AKAP13: variants seen among roughly 807,000 people sequenced by gnomAD.
AKAP13 encodes A-kinase anchor protein 13.
In AKAP13, 80 loss-of-function variants were observed where a neutral mutation model predicts 264.5. The observed-to-expected ratio is 0.30, with a 90% CI of 0.25 to 0.36. The LOEUF (loss-of-function observed/expected upper bound fraction) is 0.36. Ranked by LOEUF, AKAP13 falls within the 10% of genes least tolerant of loss-of-function variation. The probability of loss-of-function intolerance (pLI) is 1.00; values close to 1 mark genes in which losing one functional copy is unlikely to be tolerated. For synonymous variants in AKAP13, 1,380 were observed against 1,250.2 expected, an observed-to-expected ratio of 1.10 and a Z score of -2.19; for missense variants, 3,712 against 3,435.2, an observed-to-expected ratio of 1.08 and a Z score of -2.01.
intron 17 of AKAP13, among the ~76,000 whole-genome samples, chr15:85,699,357 T>A (rs1276665910): frequency 1.3e-5 from 2 of 151,550 alleles, no homozygotes; most frequent in Non-Finnish European, 2.9e-5. Flanking sequence ...GGCAGGAGAA[T>A]CACTTGAACC....
At chr15:85,417,194 T>C (rs139025545) in intron 1 of AKAP13, among the ~76,000 whole-genome samples, 1 of 152,198 alleles carries the variant, frequency 6.6e-6, no homozygotes, top group Admixed American at 6.5e-5. Context: ...ATTAGAAATA[T>C]TAATAGTTTA....
chr15:85,581,589 C>G lies in AKAP13; in HGVS notation c.3521C>G (p.Ala1174Gly), dbSNP rs374286995. 2.0e-5 allele frequency: 32 copies of G among 1,614,026 alleles called. 1 individual carries two copies. The highest frequency in any genetic ancestry group is 3.3e-4 in the Middle Eastern group (2 of 6,084). ...GADHSCTMGDAEEAQIDDEAH... is the reference protein window; with the variant it reads ...GADHSCTMGDGEEAQIDDEAH... Reference sequence around the variant, plus strand: ...GACCACAGCTGTACCATGGGTGACGCTGAGGAAGCCCAAATAGACGATGAA... The same window carrying G: ...GACCACAGCTGTACCATGGGTGACGGTGAGGAAGCCCAAATAGACGATGAA... The change falls in exon 7 of 37, where the codon GCT becomes GGT. Residue 1174 changes from alanine to glycine, a missense_variant. By Grantham distance (60) the Ala-to-Gly change is moderately conservative. Coordinates refer to ENST00000394518, the MANE Select transcript of AKAP13 (RefSeq NM_007200.5).
chr15:85,388,098 G>C (rs551963000), intron 1 of AKAP13, among the ~76,000 whole-genome samples: 1 of 151,032 alleles, frequency 6.6e-6, no homozygotes, highest in African/African-American at 2.4e-5. Flanking sequence ...GCAGTGGTGC[G>C]ATCTCAGCTC....
At chr15:85,618,235 G>C (rs112445702) in intron 8 of AKAP13, among the ~76,000 whole-genome samples, 63 of 152,104 alleles carry the variant, frequency 4.1e-4, no homozygotes, top group Non-Finnish European at 8.4e-4. Flanking sequence ...TCTGGCCTGA[G>C]GACACAGCAA....
chr15:85,477,637 G>GAA (rs1309806715), intron 1 of AKAP13, among the ~76,000 whole-genome samples: 13 of 49,706 alleles, frequency 2.6e-4, no homozygotes, highest in Admixed American at 4.1e-4. Flanking sequence ...TTAAAAAAAG[G>GAA]AAAAAAAAAA....
At chr15:85,506,720 T>C (rs778636063) in intron 2 of AKAP13, among the ~76,000 whole-genome samples, 1 of 152,210 alleles carries the variant, frequency 6.6e-6, no homozygotes, top group Non-Finnish European at 1.5e-5. Context: ...ATTAGTGTTA[T>C]ATAAAACAGT....
chr15:85,670,084 A>T (rs1279869621), intron 14 of AKAP13, among the ~76,000 whole-genome samples: 1 of 152,158 alleles, frequency 6.6e-6, no homozygotes, highest in Non-Finnish European at 1.5e-5. Flanking sequence ...ACTTTTTAAA[A>T]TTTTTTTATT....
chr15:85,592,354 G>A (rs1329015213), intron 8 of AKAP13, among the ~76,000 whole-genome samples: 2 of 152,120 alleles, frequency 1.3e-5, no homozygotes, highest in African/African-American at 2.4e-5. Flanking sequence ...CTCAGCTGCC[G>A]TGGGAAAATA....
chr15:85,513,095 G>A (rs950968393), intron 2 of AKAP13, among the ~76,000 whole-genome samples: 13 of 152,112 alleles, frequency 8.5e-5, no homozygotes, highest in Admixed American at 6.6e-4. Context: ...GTGAGCCACC[G>A]TTCCCGGCCC....
chr15:85,501,816 G>A (rs2076044828), intron 2 of AKAP13, among the ~76,000 whole-genome samples: 1 of 152,198 alleles, frequency 6.6e-6, no homozygotes, highest in African/African-American at 2.4e-5. Context: ...CTGTGTCAGC[G>A]TTTAACCCTG....
chr15:85,715,147 C>T (rs1012439484), intron 19 of AKAP13, among the ~76,000 whole-genome samples: 1 of 152,034 alleles, frequency 6.6e-6, no homozygotes, highest in Non-Finnish European at 1.5e-5. Context: ...GATTATTTTT[C>T]TTTCTTTTAA....
chr15:85,487,936 C>T (rs577800481), intron 2 of AKAP13, among the ~76,000 whole-genome samples: 2 of 152,252 alleles, frequency 1.3e-5, no homozygotes, highest in South Asian at 2.1e-4. Context: ...CTTGCTCTGT[C>T]ACCCAGGCTG....
intron 10 of AKAP13, among the ~76,000 whole-genome samples, chr15:85,646,212 C>T (rs750718359): frequency 4.4e-4 from 67 of 152,292 alleles, no homozygotes; most frequent in African/African-American, 1.3e-3. Flanking sequence ...TGGTGGCTCA[C>T]GCCTGTAATC....
Position 85,406,408 on chromosome 15 carries a change from G to T in AKAP13, c.-12+25610G>T, listed in dbSNP as rs72752597. Reference sequence around the variant, plus strand: ...AGACTAGAAAATAGTTTTTTTTTTTGTTTTTTTTTTGGAGCTGCAGTTCCA... The same window carrying T: ...AGACTAGAAAATAGTTTTTTTTTTTTTTTTTTTTTTGGAGCTGCAGTTCCA... On this transcript the variant is annotated intron_variant, in intron 1 of 36. Transcript: ENST00000394518. Among the ~76,000 whole-genome samples, 377 of 103,698 alleles carry T rather than the reference G, an allele frequency of 3.6e-3. 9 individuals are homozygous for T. Among genetic ancestry groups the T allele is most frequent in the Middle Eastern group, 9.0e-3 (2 of 222 alleles). 68.0% of individuals were successfully genotyped at this position (103,698 alleles called of 152,430 possible). A position where few individuals can be genotyped will look rare whatever the true frequency, so the allele number is the denominator to read the frequency against.
At chr15:85,637,884 G>GT (rs34885165) in intron 8 of AKAP13, among the ~76,000 whole-genome samples, 3,398 of 122,494 alleles carry the variant, frequency 0.028, 53 homozygotes, top group African/African-American at 0.045. Flanking sequence ...TTATTTAGAA[G>GT]TTTTTTTTTT....
At chr15:85,562,045 C>T (rs1013683216) in intron 5 of AKAP13, among the ~76,000 whole-genome samples, 5 of 152,168 alleles carry the variant, frequency 3.3e-5, no homozygotes, top group Non-Finnish European at 5.9e-5. Context: ...AGGCAAGTTA[C>T]TACATTTCTC....
chr15:85,679,473 A>G (rs181150365), intron 14 of AKAP13, among the ~76,000 whole-genome samples: 14 of 152,348 alleles, frequency 9.2e-5, no homozygotes, highest in Middle Eastern at 3.4e-3. Context: ...TTCATGGCCA[A>G]ATATTAGTAA....
chr15:85,699,779 G>A (rs1156557019), intron 17 of AKAP13, among the ~76,000 whole-genome samples: 1 of 152,212 alleles, frequency 6.6e-6, no homozygotes, highest in African/African-American at 2.4e-5. Context: ...TAAGCCTTGA[G>A]GAGAGTTGTT....
intron 5 of AKAP13, among the ~76,000 whole-genome samples, chr15:85,547,729 T>G (rs1255613043): frequency 6.6e-6 from 1 of 152,232 alleles, no homozygotes; most frequent in Non-Finnish European, 1.5e-5. Flanking sequence ...TATTTAAGTT[T>G]CACTCTAAGT....
Sources: allele counts gnomAD v4.1 joint callset (sites outside exome capture counted in the v4.1 genomes callset), GRCh38; gene constraint gnomAD v4.1.1; transcripts MANE v1.5; gene names NCBI Gene and HGNC (gene_info 2026-07-23, HGNC 2026-07-21).